Variants in ZDHHC14 observed in about 807,000 individuals in gnomAD.
ZDHHC14 encodes palmitoyltransferase ZDHHC14.
Under a neutral mutation model 47.7 loss-of-function variants are expected in ZDHHC14, and 16 were observed. The ratio of observed to expected loss-of-function variants is 0.34; its 90% CI spans 0.23 to 0.51. The LOEUF is 0.51. ZDHHC14 is among the 20% of genes least tolerant of loss of function. The pLI, the probability that ZDHHC14 is intolerant of heterozygous loss-of-function variation, is 0.97. For synonymous variants in ZDHHC14, 293 were observed against 278.9 expected, an observed-to-expected ratio of 1.05 and a Z score of -0.50; for missense variants, 515 against 662.5, an observed-to-expected ratio of 0.78 and a Z score of 2.44.
chr6:157,497,568 C>T (rs1312462052), intron 1 of ZDHHC14, among the ~76,000 whole-genome samples: 2 of 152,168 alleles, frequency 1.3e-5, no homozygotes, highest in African/African-American at 4.8e-5. Context: ...CTGATGGGCC[C>T]ATGGCAGCCC....
At position 157,482,954 on chromosome 6, in the gene ZDHHC14, A is replaced by G. The variant is rs543705675; in HGVS notation, c.246-59631A>G. ...GATGGGGATTTCACCATGTTGGCCA[A>G]GCTGGTCTTGAACTCCTGACCTCGT... On this transcript the variant is annotated intron_variant, in intron 1 of 8. Transcript: ENST00000359775. Among the ~76,000 whole-genome samples, 3 of 151,758 alleles carry G rather than the reference A, an allele frequency of 2.0e-5. No homozygotes were observed. The South Asian group carries it at 6.3e-4, about 32-fold the overall frequency.
chr6:157,596,319 G>A (rs1784127153), intron 3 of ZDHHC14, among the ~76,000 whole-genome samples: 1 of 152,154 alleles, frequency 6.6e-6, no homozygotes, highest in Non-Finnish European at 1.5e-5. Context: ...AGCAAGAGAA[G>A]TAGCACAGTG....
intron 3 of ZDHHC14, among the ~76,000 whole-genome samples, chr6:157,603,940 A>T (rs1309116434): frequency 1.3e-5 from 2 of 152,212 alleles, no homozygotes; most frequent in Non-Finnish European, 2.9e-5. Flanking sequence ...AGAGAAGTGA[A>T]TACATTTGGC....
chr6:157,673,121 G>A lies in ZDHHC14; in HGVS notation c.1466G>A (p.Ter489=). ...VRGLVKLSSV[*] ...GGCCTGGTGAAGCTCAGCTCCGTGT[G>A]ACCCACATGGCCCCAGGCCGGGGGA... is the stretch of plus-strand genomic sequence containing the variant. Residue 489 remains the stop codon, a stop_retained_variant, in exon 9 of 9, where the codon TGA becomes TAA. Coordinates refer to ENST00000359775, the MANE Select transcript of ZDHHC14 (RefSeq NM_024630.3). This position sits in a 1 kb window ranked among gnomAD's most constrained non-coding sequence, Gnocchi z 5.4. 6.4e-7 allele frequency: 1 copy of A among 1,570,218 alleles called. No homozygotes were observed. Among genetic ancestry groups the A allele is most frequent in the African/African-American group, 1.4e-5 (1 of 74,018 alleles).
At chr6:157,628,719 G>A in intron 4 of ZDHHC14, 1 of 521,826 alleles carries the variant, frequency 1.9e-6, no homozygotes, top group Non-Finnish European at 3.4e-6. Context: ...CACTTTCCAG[G>A]GGTCGCACCT....
In ZDHHC14 at chr6:157,395,055, C is replaced by T. The variant is rs186962407; in HGVS notation, c.245+12789C>T. Reference sequence around the variant, plus strand: ...GCTTGGCAGAAGCGGCCCTTCATCTCGTGTGCCCTGGTGGGAAAGTAGTGA... The same window carrying T: ...GCTTGGCAGAAGCGGCCCTTCATCTTGTGTGCCCTGGTGGGAAAGTAGTGA... On this transcript the variant is annotated intron_variant, in intron 1 of 8. Transcript: ENST00000359775. 1.9e-4 allele frequency among the ~76,000 whole-genome samples: 28 copies of T among 150,122 alleles called. No homozygotes were observed. In the East Asian group the frequency reaches 5.1e-3, roughly 27 times the overall value.
intron 1 of ZDHHC14, among the ~76,000 whole-genome samples, chr6:157,480,780 C>T (rs1409622633): frequency 2.7e-5 from 4 of 150,736 alleles, no homozygotes; most frequent in South Asian, 2.1e-4. Flanking sequence ...TCTTGATGCT[C>T]CTGATTCTGG....
At chr6:157,471,162 G>A (rs1450744381) in intron 1 of ZDHHC14, among the ~76,000 whole-genome samples, 3 of 152,206 alleles carry the variant, frequency 2.0e-5, no homozygotes, top group African/African-American at 4.8e-5. Flanking sequence ...TTAAAGCTCA[G>A]ATACTCGTAT....
intron 1 of ZDHHC14, among the ~76,000 whole-genome samples, chr6:157,519,063 C>G (rs985500932): frequency 6.6e-6 from 1 of 152,208 alleles, no homozygotes; most frequent in Admixed American, 6.5e-5. Flanking sequence ...AGGGCTGGCT[C>G]ATGGCTCACT....
chr6:157,646,868 T>G (rs2114982618), intron 6 of ZDHHC14, among the ~76,000 whole-genome samples: 1 of 152,278 alleles, frequency 6.6e-6, no homozygotes. Flanking sequence ...AACAGACCAT[T>G]TTGGTCACAA....
chr6:157,448,346 C>T (rs1046032639), intron 1 of ZDHHC14, among the ~76,000 whole-genome samples: 10 of 151,936 alleles, frequency 6.6e-5, no homozygotes, highest in African/African-American at 2.4e-4. Context: ...GTGTCTGTTG[C>T]GGGGGTGGTG....
At chr6:157,579,190 G>GTTGTTTT (rs1562490099) in intron 2 of ZDHHC14, among the ~76,000 whole-genome samples, 1 of 63,948 alleles carries the variant, frequency 1.6e-5, no homozygotes. Context: ...TTGATTCTGT[G>GTTGTTTT]TTTTTTTTTT....
intron 2 of ZDHHC14, among the ~76,000 whole-genome samples, chr6:157,585,731 G>A (rs1168776420): frequency 6.6e-6 from 1 of 152,250 alleles, no homozygotes; most frequent in East Asian, 1.9e-4. Flanking sequence ...GCTCCCTGAG[G>A]TACACAGCTG....
intron 1 of ZDHHC14, among the ~76,000 whole-genome samples, chr6:157,496,054 C>T (rs1780055405): frequency 1.3e-5 from 2 of 152,192 alleles, no homozygotes; most frequent in Admixed American, 1.3e-4. Context: ...AAGCACATTT[C>T]TTTACATACA....
At chr6:157,446,165 A>G (rs183261685) in intron 1 of ZDHHC14, among the ~76,000 whole-genome samples, 15 of 152,296 alleles carry the variant, frequency 9.8e-5, no homozygotes, top group African/African-American at 3.6e-4. Flanking sequence ...GACAATTGGC[A>G]TCTTTTGGCC....
intron 7 of ZDHHC14, among the ~76,000 whole-genome samples, chr6:157,652,569 C>T (rs1186103298): frequency 6.6e-6 from 1 of 152,160 alleles, no homozygotes; most frequent in Non-Finnish European, 1.5e-5. Flanking sequence ...CAACTTTACC[C>T]CACCTTCTAA....
intron 1 of ZDHHC14, among the ~76,000 whole-genome samples, chr6:157,442,422 A>G (rs192841499): frequency 1.3e-5 from 2 of 152,320 alleles, no homozygotes. Flanking sequence ...CATACGCTAC[A>G]TTCATGAAGT....
intron 3 of ZDHHC14, among the ~76,000 whole-genome samples, chr6:157,601,205 TTTC>T (rs1784325043): frequency 6.6e-6 from 1 of 152,244 alleles, no homozygotes; most frequent in African/African-American, 2.4e-5. Context: ...CAGAAGAATA[TTTC>T]TTTAACATTA....
At chr6:157,470,824 GTT>G (rs968899703) in intron 1 of ZDHHC14, among the ~76,000 whole-genome samples, 11 of 152,332 alleles carry the variant, frequency 7.2e-5, no homozygotes, top group African/African-American at 2.6e-4. Flanking sequence ...CAAGAGATAA[GTT>G]TAAGTGTTTT....
Sources: allele counts gnomAD v4.1 joint callset (sites outside exome capture counted in the v4.1 genomes callset), GRCh38; gene constraint gnomAD v4.1.1; non-coding constraint Gnocchi (gnomAD v3.1); transcripts MANE v1.5; gene names NCBI Gene and HGNC (gene_info 2026-07-23, HGNC 2026-07-21).